NLK: variants seen among roughly 807,000 people sequenced by gnomAD.
NLK encodes nemo like kinase, also known as serine/threonine-protein kinase NLK.
A neutral mutation model predicts 59.0 loss-of-function variants in NLK; 11 were observed. The observed-to-expected ratio is 0.19, with a 90% CI of 0.12 to 0.31. The LOEUF (loss-of-function observed/expected upper bound fraction) is 0.31. NLK is among the 10% of genes least tolerant of loss of function. The probability of loss-of-function intolerance (pLI) is 1.00; values close to 1 mark genes in which losing one functional copy is unlikely to be tolerated. For missense variants in NLK, 410 were observed against 661.1 expected (o/e 0.62, Z 4.16); for synonymous variants, 235 against 235.9 (o/e 1.00, Z 0.03).
intron 3 of NLK, among the ~76,000 whole-genome samples, chr17:28,138,485 T>C (rs879180517): frequency 2.0e-5 from 3 of 152,218 alleles, no homozygotes; most frequent in Admixed American, 1.3e-4. Flanking sequence ...GTGTTTTAAA[T>C]AGGAATCTCT....
intron 1 of NLK, among the ~76,000 whole-genome samples, chr17:28,067,489 A>G (rs1043704836): frequency 1.3e-5 from 2 of 151,964 alleles, no homozygotes; most frequent in Admixed American, 1.3e-4. Flanking sequence ...TATCTCCAGT[A>G]TTGGAAATGA....
At position 28,185,199 on chromosome 17, in the gene NLK, T is replaced by C. The variant is rs1909067428; in HGVS notation, c.1170T>C (p.Tyr390=). Residue 390 remains tyrosine (Y), a synonymous_variant, in exon 8 of 11, where the codon TAT becomes TAC. Coordinates refer to ENST00000407008, the MANE Select transcript of NLK (RefSeq NM_016231.5). The part of the protein sequence containing the change: ...PHKQPSLPVL[Y]TLSSQATHEA... Reference sequence around the variant, plus strand: ...CACAGCCATCTCTTCCTGTACTCTATACCCTGTCTAGCCAGGCTACACATG... The same window carrying C: ...CACAGCCATCTCTTCCTGTACTCTACACCCTGTCTAGCCAGGCTACACATG... 1 of 1,590,620 alleles carries C rather than the reference T, an allele frequency of 6.3e-7. No homozygotes were observed.
chr17:28,193,259 A>C (rs1909373035), intron 10 of NLK, among the ~76,000 whole-genome samples: 1 of 152,098 alleles, frequency 6.6e-6, no homozygotes, highest in Admixed American at 6.5e-5. Flanking sequence ...AGGAATTAAG[A>C]ATTTAGAAGA....
At chr17:28,047,785 T>C in intron 1 of NLK, 1 of 390,190 alleles carries the variant, frequency 2.6e-6, no homozygotes, top group Non-Finnish European at 4.5e-6. Context: ...CTGGTCCTCT[T>C]ACTCCACATA....
intron 9 of NLK, 36 bp downstream of exon 9, chr17:28,191,255 G>T: frequency 6.6e-7 from 1 of 1,504,696 alleles, no homozygotes; most frequent in Non-Finnish European, 9.0e-7. Context: ...CAGGCAATAT[G>T]CCTAGTAACA....
chr17:28,193,330 A>AG (rs1375121845), intron 10 of NLK, among the ~76,000 whole-genome samples: 15 of 152,208 alleles, frequency 9.9e-5, no homozygotes, highest in African/African-American at 3.6e-4. Context: ...TGGAACACAC[A>AG]GCACGAGGGT....
chr17:28,081,113 C>T (rs1459134222), intron 1 of NLK, among the ~76,000 whole-genome samples: 1 of 151,440 alleles, frequency 6.6e-6, no homozygotes, highest in Non-Finnish European at 1.5e-5. Context: ...TGGTCTTGAA[C>T]TCCTGGGCTC....
chr17:28,065,368 A>C (rs1052227194), intron 1 of NLK, among the ~76,000 whole-genome samples: 2 of 152,044 alleles, frequency 1.3e-5, no homozygotes, highest in Admixed American at 1.3e-4. Flanking sequence ...TTCATGTACA[A>C]AGTCAGTGAA....
intron 6 of NLK, among the ~76,000 whole-genome samples, chr17:28,169,571 A>G (rs1301485945): frequency 6.6e-6 from 1 of 152,168 alleles, no homozygotes; most frequent in East Asian, 1.9e-4. Flanking sequence ...GGTATTTTGT[A>G]TTAATTTGCT....
chr17:28,122,373 ATT>A (rs113222832), intron 1 of NLK, among the ~76,000 whole-genome samples: 1 of 146,596 alleles, frequency 6.8e-6, no homozygotes, highest in African/African-American at 2.5e-5. Flanking sequence ...TTAGACAGGG[ATT>A]TTTTTTTTTT....
At chr17:28,169,457 A>C (rs554169325) in intron 6 of NLK, among the ~76,000 whole-genome samples, 23 of 152,344 alleles carry the variant, frequency 1.5e-4, no homozygotes, top group African/African-American at 5.3e-4. Flanking sequence ...TCAGGAGATG[A>C]TTAAAATATA....
chr17:28,192,514 C>T lies in NLK; in HGVS notation c.1529+301C>T, dbSNP rs374091911. ...AGAAACCTTGTTTCTTCTAAAAATA[C>T]AAAATTAGCCAGGCATGGTGGTGCA... On this transcript the variant is annotated intron_variant, in intron 10 of 10. Transcript: ENST00000407008. Among the ~76,000 whole-genome samples, 337 of 152,046 alleles carry T rather than the reference C, an allele frequency of 2.2e-3. 10 individuals carry two copies. The South Asian group carries it at 0.063, about 28-fold the overall frequency.
intron 1 of NLK, among the ~76,000 whole-genome samples, chr17:28,053,387 C>G (rs1447873396): frequency 6.6e-6 from 1 of 152,148 alleles, no homozygotes; most frequent in Non-Finnish European, 1.5e-5. Flanking sequence ...CTTTTCTTTT[C>G]TGAAGCTTTG....
intron 2 of NLK, among the ~76,000 whole-genome samples, chr17:28,131,817 T>C (rs911902537): frequency 1.3e-5 from 2 of 152,152 alleles, no homozygotes; most frequent in Admixed American, 1.3e-4. Flanking sequence ...AAAGTCTTTT[T>C]TCCTCACCCT....
chr17:28,130,565 C>T (rs575896395), intron 2 of NLK, among the ~76,000 whole-genome samples: 8 of 152,254 alleles, frequency 5.3e-5, no homozygotes, highest in Admixed American at 2.0e-4. Context: ...AAGAAAGCCT[C>T]ATTCTTCTCT....
chr17:28,202,828 A>G, the NLK span, among the ~76,000 whole-genome samples: 7 of 151,264 alleles, frequency 4.6e-5, no homozygotes, highest in Admixed American at 2.0e-4. Flanking sequence ...GATTACAGGC[A>G]CTCACCACCA....
intron 5 of NLK, among the ~76,000 whole-genome samples, chr17:28,166,599 G>A (rs1438724091): frequency 6.6e-6 from 1 of 152,194 alleles, no homozygotes; most frequent in African/African-American, 2.4e-5. Context: ...GTTAATCAGT[G>A]AGAACACTGG....
At chr17:28,103,277 G>T (rs1904964197) in intron 1 of NLK, among the ~76,000 whole-genome samples, 1 of 152,154 alleles carries the variant, frequency 6.6e-6, no homozygotes, top group African/African-American at 2.4e-5. Context: ...CCATAAGCCA[G>T]CCACCATTGA....
intron 1 of NLK, among the ~76,000 whole-genome samples, chr17:28,062,483 T>A (rs904685896): frequency 1.3e-5 from 2 of 152,240 alleles, no homozygotes; most frequent in Admixed American, 6.5e-5. Context: ...AAAACATTTT[T>A]AAAATTTACT....
Sources: gnomAD v4.1 joint callset for allele counts (sites outside exome capture counted in the v4.1 genomes callset) on GRCh38, gnomAD v4.1.1 for gene constraint, MANE v1.5 for transcripts, NCBI Gene and HGNC (gene_info 2026-07-23, HGNC 2026-07-21) for gene names.